Variants in CNTNAP2 observed in about 807,000 individuals in gnomAD.
The protein encoded by CNTNAP2 is contactin associated protein 2, also known as contactin-associated protein-like 2.
A neutral mutation model predicts 155.2 loss-of-function variants in CNTNAP2; 98 were observed. That is an observed-to-expected ratio of 0.63 (90% confidence interval 0.54 to 0.75). The LOEUF (loss-of-function observed/expected upper bound fraction) is 0.75. Ranked by LOEUF, CNTNAP2 falls within the 30% of genes least tolerant of loss-of-function variation. CNTNAP2 has a pLI of 0.00. For synonymous variants in CNTNAP2, 651 were observed against 631.2 expected (o/e 1.03, Z -0.47); for missense variants, 1,727 against 1,688.1 (o/e 1.02, Z -0.40).
At chr7:147,661,478 G>A (rs996658523) in intron 13 of CNTNAP2, among the ~76,000 whole-genome samples, 3 of 151,858 alleles carry the variant, frequency 2.0e-5, no homozygotes, top group Admixed American at 6.6e-5. Flanking sequence ...TGTATGCCTC[G>A]ACAAGGCTTT....
At chr7:147,034,507 G>C (rs968103302) in intron 3 of CNTNAP2, among the ~76,000 whole-genome samples, 3 of 152,136 alleles carry the variant, frequency 2.0e-5, no homozygotes, top group Non-Finnish European at 4.4e-5. Context: ...TGCTCTCTTA[G>C]TTTTGCCATC....
chr7:146,830,815 G>A (rs754960361), intron 2 of CNTNAP2, among the ~76,000 whole-genome samples: 13 of 152,184 alleles, frequency 8.5e-5, no homozygotes, highest in Non-Finnish European at 1.8e-4. Context: ...TGTCTTTCAT[G>A]CCTTAGAGAA....
chr7:147,552,571 AACACACACACAC>A (rs34755315), intron 11 of CNTNAP2, among the ~76,000 whole-genome samples: 34 of 142,976 alleles, frequency 2.4e-4, no homozygotes, highest in East Asian at 4.1e-4. Context: ...TACTTTCCTC[AACACACACACAC>A]ACACACACAC....
chr7:146,450,142 A>G (rs1197654033), intron 1 of CNTNAP2, among the ~76,000 whole-genome samples: 1 of 152,228 alleles, frequency 6.6e-6, no homozygotes, highest in Non-Finnish European at 1.5e-5. Context: ...AACAACAACA[A>G]AGGTAATAGT....
chr7:146,915,868 G>A (rs1399723799), intron 3 of CNTNAP2: 4 of 152,110 alleles, frequency 2.6e-5, no homozygotes, highest in Non-Finnish European at 4.4e-5. Flanking sequence ...GAATAGAAGT[G>A]GTGAAAGTGG....
At chr7:148,401,271 C>T (rs1464599953) in intron 22 of CNTNAP2, among the ~76,000 whole-genome samples, 1 of 152,204 alleles carries the variant, frequency 6.6e-6, no homozygotes. Flanking sequence ...AGCAGCGACT[C>T]TGGCACCCAC....
chr7:146,773,060 C>G (rs1309807584), intron 1 of CNTNAP2, among the ~76,000 whole-genome samples: 2 of 152,086 alleles, frequency 1.3e-5, no homozygotes, highest in Non-Finnish European at 2.9e-5. Context: ...TATCAGAAGA[C>G]TTAGCCCTCC....
At chr7:147,217,172 G>A (rs1803291663) in intron 8 of CNTNAP2, among the ~76,000 whole-genome samples, 1 of 151,772 alleles carries the variant, frequency 6.6e-6, no homozygotes, top group Non-Finnish European at 1.5e-5. Context: ...CATTAGATAG[G>A]ACTCTCAGTA....
intron 1 of CNTNAP2, among the ~76,000 whole-genome samples, chr7:146,581,433 TC>T (rs1254789204): frequency 5.3e-5 from 8 of 152,148 alleles, no homozygotes; most frequent in Non-Finnish European, 1.2e-4. Context: ...AGCTGAGCTT[TC>T]CAAGATTATA....
chr7:147,510,828 G>T (rs370279448), intron 11 of CNTNAP2, among the ~76,000 whole-genome samples: 59 of 76,732 alleles, frequency 7.7e-4, no homozygotes, highest in African/African-American at 3.1e-3. Context: ...ATAAGTAAGT[G>T]CTCCTGTGAT....
intron 13 of CNTNAP2, among the ~76,000 whole-genome samples, chr7:147,802,788 G>GGGGAGGGGGAGA (rs1440276222): frequency 8.2e-6 from 1 of 122,214 alleles, no homozygotes; most frequent in Non-Finnish European, 1.8e-5. Flanking sequence ...GGAGAGGGAG[G>GGGGAGGGGGAGA]GGGAGGGGGA....
At chr7:148,360,228 T>A (rs755836301) in intron 21 of CNTNAP2, among the ~76,000 whole-genome samples, 1 of 152,132 alleles carries the variant, frequency 6.6e-6, no homozygotes, top group African/African-American at 2.4e-5. Flanking sequence ...CAAGAACATA[T>A]TCTGCAACTA....
chr7:146,134,688 G>A (rs1235215231), intron 1 of CNTNAP2, among the ~76,000 whole-genome samples: 1 of 150,158 alleles, frequency 6.7e-6, no homozygotes, highest in Admixed American at 6.6e-5. Context: ...TTTGTCTTTG[G>A]CTCTGTTTAT....
rs151046012 is a variant in CNTNAP2 at position 146,467,484 on chromosome 7, G to A, written c.98-306787G>A. ...GGTTGTCATTTCAATTGATCATTCT[G>A]CATCTTTTCCAGACTGTCCATCCAT... On this transcript the variant is annotated intron_variant, in intron 1 of 23. Coordinates refer to ENST00000361727, the MANE Select transcript of CNTNAP2 (RefSeq NM_014141.6). 5.2e-3 allele frequency among the ~76,000 whole-genome samples: 785 copies of A among 152,188 alleles called. 4 individuals are homozygous for A. The Middle Eastern group carries it at 0.058, about 11-fold the overall frequency.
At chr7:147,197,840 A>G (rs1802836887) in intron 8 of CNTNAP2, among the ~76,000 whole-genome samples, 1 of 152,236 alleles carries the variant, frequency 6.6e-6, no homozygotes, top group Admixed American at 6.5e-5. Flanking sequence ...GAGGTAATTC[A>G]GTATTCTTTC....
At chr7:148,210,799 C>A (rs1795534781) in intron 18 of CNTNAP2, among the ~76,000 whole-genome samples, 1 of 152,030 alleles carries the variant, frequency 6.6e-6, no homozygotes. Flanking sequence ...TGTTGTTAGT[C>A]CAAAAAGATT....
chr7:148,409,262 C>T, intron 22 of CNTNAP2, 129 bp from the exon 23 acceptor site: 1 of 744,530 alleles, frequency 1.3e-6, no homozygotes, highest in Non-Finnish European at 2.4e-6. Flanking sequence ...CAAGACGGGT[C>T]CATCTGAAAT....
intron 1 of CNTNAP2, among the ~76,000 whole-genome samples, chr7:146,311,180 T>A (rs1382651290): frequency 5.3e-5 from 8 of 152,204 alleles, no homozygotes. Context: ...CTCCAATAAA[T>A]GTGATTTCAA....
At chr7:146,948,893 C>A (rs1010208919) in intron 3 of CNTNAP2, among the ~76,000 whole-genome samples, 26 of 152,060 alleles carry the variant, frequency 1.7e-4, no homozygotes, top group Middle Eastern at 3.2e-3. Flanking sequence ...TGTAGCAATG[C>A]TGTATAGACT....
Sources: gnomAD v4.1 joint callset for allele counts (sites outside exome capture counted in the v4.1 genomes callset) on GRCh38, gnomAD v4.1.1 for gene constraint, MANE v1.5 for transcripts, NCBI Gene and HGNC (gene_info 2026-07-23, HGNC 2026-07-21) for gene names.